Variants in EXOC4 observed in about 807,000 individuals in gnomAD.
EXOC4 encodes SEC8-like 1.
Under a neutral mutation model 107.2 loss-of-function variants are expected in EXOC4, and 71 were observed. The observed-to-expected ratio is 0.66, with a 90% CI of 0.55 to 0.81. The LOEUF is 0.81. EXOC4 is among the 30% of genes least tolerant of loss of function. The probability of loss-of-function intolerance (pLI) is 0.00; values close to 1 mark genes in which losing one functional copy is unlikely to be tolerated. For synonymous variants in EXOC4, 456 were observed against 441.2 expected (o/e 1.03, Z -0.42); for missense variants, 1,108 against 1,189.6 (o/e 0.93, Z 1.01).
chr7:133,269,208 C>G (rs756824387), intron 1 of EXOC4, among the ~76,000 whole-genome samples: 3 of 152,212 alleles, frequency 2.0e-5, no homozygotes, highest in Non-Finnish European at 2.9e-5. Context: ...CCCTAACTGT[C>G]TGCTGTTCTC....
In EXOC4 at chr7:133,695,461, A is replaced by AT. The variant is rs543728269; in HGVS notation, c.1514+65328dup. Among the ~76,000 whole-genome samples, 53 of 151,900 alleles carry AT rather than the reference A, an allele frequency of 3.5e-4. No homozygotes were observed. In the East Asian group the frequency reaches 7.0e-3, roughly 20 times the overall value. The stretch of plus-strand genomic sequence containing the variant: ...ACATATAGGTATCTTTGATATATTG[A>AT]TTTTTTTTATTATATGTCTAGCATT... On this transcript the variant is annotated intron_variant, in intron 10 of 17. Coordinates refer to ENST00000253861, the MANE Select transcript of EXOC4 (RefSeq NM_021807.4).
chr7:133,739,687 A>C (rs1239636683), intron 10 of EXOC4, among the ~76,000 whole-genome samples: 1 of 152,206 alleles, frequency 6.6e-6, no homozygotes, highest in Non-Finnish European at 1.5e-5. Context: ...TGCTCTAGCA[A>C]AAATGTCTCT....
At chr7:134,008,866 C>A (rs1479324314) in intron 17 of EXOC4, among the ~76,000 whole-genome samples, 1 of 152,022 alleles carries the variant, frequency 6.6e-6, no homozygotes, top group Non-Finnish European at 1.5e-5. Flanking sequence ...CCTGGCCTCA[C>A]GCAATCCTCC....
intron 10 of EXOC4, among the ~76,000 whole-genome samples, chr7:133,657,074 T>C (rs1315891240): frequency 1.3e-5 from 2 of 152,182 alleles, no homozygotes; most frequent in Non-Finnish European, 2.9e-5. Flanking sequence ...GCATTTCCTC[T>C]AGGAATTGAG....
rs531423895 is a variant in EXOC4 at position 134,030,696 on chromosome 7, C to G, written c.2687+22861C>G. ...CCCCTCTGCCCCCCCAGCTCACCCC[C>G]CCGCCCCGAGTAGAGAGCAGTCCTG... On this transcript the variant is annotated intron_variant, in intron 17 of 17. Coordinates refer to ENST00000253861, the MANE Select transcript of EXOC4 (RefSeq NM_021807.4). Among the ~76,000 whole-genome samples, 11 of 141,634 alleles carry G rather than the reference C, an allele frequency of 7.8e-5. No individual in the cohort carries two copies. In the South Asian group the frequency reaches 2.8e-3, roughly 37 times the overall value. 92.9% of individuals were successfully genotyped at this position (141,634 alleles called of 152,430 possible). A position where few individuals can be genotyped will look rare whatever the true frequency, so the allele number is the denominator to read the frequency against.
At chr7:133,716,049 C>A (rs556102849) in intron 10 of EXOC4, among the ~76,000 whole-genome samples, 44 of 152,304 alleles carry the variant, frequency 2.9e-4, no homozygotes, top group African/African-American at 7.0e-4. Flanking sequence ...TTGAGAAATT[C>A]TTTTCCTGCT....
At chr7:133,658,639 G>A (rs1004777493) in intron 10 of EXOC4, among the ~76,000 whole-genome samples, 1 of 152,182 alleles carries the variant, frequency 6.6e-6, no homozygotes, top group African/African-American at 2.4e-5. Context: ...GATTTATTAT[G>A]ATAGTGAAGT....
chr7:133,990,897 C>T (rs1287022545), intron 14 of EXOC4, among the ~76,000 whole-genome samples: 1 of 152,126 alleles, frequency 6.6e-6, no homozygotes, highest in Non-Finnish European at 1.5e-5. Context: ...CATGGGAGTG[C>T]AGATGTCTCT....
intron 10 of EXOC4, among the ~76,000 whole-genome samples, chr7:133,762,581 A>G (rs1796055018): frequency 6.6e-6 from 1 of 152,144 alleles, no homozygotes; most frequent in Non-Finnish European, 1.5e-5. Flanking sequence ...GCATATAAAT[A>G]TTTTTGCACA....
At chr7:133,907,780 AGT>A (rs1363176120) in intron 12 of EXOC4, among the ~76,000 whole-genome samples, 2 of 151,110 alleles carry the variant, frequency 1.3e-5, no homozygotes, top group Admixed American at 6.6e-5. Flanking sequence ...CAGAGGTTGC[AGT>A]GAGGACTCGG....
rs748246109 is a variant in EXOC4 at position 134,064,342 on chromosome 7, G to A, written c.2739G>A (p.Val913=). ...YNTADELLNL[V]VDQGVKYTEL... The stretch of plus-strand genomic sequence containing the variant: ...CAGCTGACGAGCTCCTGAACCTGGT[G>A]GTGGACCAGGGTGTGAAGTACACGG... The change falls in exon 18 of 18, where the codon GTG becomes GTA. Residue 913 remains valine (V), a synonymous_variant. Transcript: ENST00000253861. The A allele has an allele frequency of 1.4e-5, 22 of 1,517,262 alleles. No homozygotes were observed. In the South Asian group the frequency reaches 2.5e-4, roughly 17 times the overall value. The allele number at this position is 1,517,262 out of a possible 1,614,324, so 94.0% of individuals were successfully genotyped here.
chr7:133,544,428 A>C (rs565122770), intron 9 of EXOC4, among the ~76,000 whole-genome samples: 2 of 152,094 alleles, frequency 1.3e-5, no homozygotes, highest in Non-Finnish European at 2.9e-5. Context: ...CTTAGTAGGA[A>C]ACTGATTTAC....
rs1800704368 is a variant in EXOC4, at chr7:133,557,033, A to G, written c.1418-73012A>G. Among the ~76,000 whole-genome samples the G allele has an allele frequency of 3.3e-5, 5 of 152,258 alleles. No homozygotes were observed. The South Asian group carries it at 1.0e-3, about 32-fold the overall frequency. On this transcript the variant is annotated intron_variant, in intron 9 of 17. Transcript: ENST00000253861. The stretch of plus-strand genomic sequence containing the variant: ...AGATAGAGGGTGGACCACCTTTAGA[A>G]ATTCTAAGTGCCTCTCACCTCAGCA...
chr7:133,439,035 T>C (rs1798040523), intron 7 of EXOC4, among the ~76,000 whole-genome samples: 1 of 152,158 alleles, frequency 6.6e-6, no homozygotes, highest in Non-Finnish European at 1.5e-5. Flanking sequence ...TATGTATGTA[T>C]ATGTATGTGT....
At chr7:133,348,033 G>A (rs1215636896) in intron 5 of EXOC4, among the ~76,000 whole-genome samples, 2 of 152,182 alleles carry the variant, frequency 1.3e-5, no homozygotes, top group African/African-American at 4.8e-5. Context: ...TTGGAGTTCA[G>A]TAGTTTGGAA....
intron 9 of EXOC4, among the ~76,000 whole-genome samples, chr7:133,520,835 G>T (rs1242420045): frequency 1.3e-5 from 2 of 151,898 alleles, no homozygotes; most frequent in African/African-American, 4.8e-5. Context: ...CAACAGCTCA[G>T]TAAAAGAGTG....
chr7:133,652,518 T>C (rs991618195), intron 10 of EXOC4, among the ~76,000 whole-genome samples: 1 of 151,886 alleles, frequency 6.6e-6, no homozygotes, highest in Non-Finnish European at 1.5e-5. Flanking sequence ...GAGTGGAGTT[T>C]CCCCCTTGCC....
At chr7:133,330,807 A>G (rs1161004) in intron 5 of EXOC4, among the ~76,000 whole-genome samples, 98,717 of 151,808 alleles carry the variant, frequency 0.65, 34,766 homozygotes, top group East Asian at 0.84. Context: ...TCCCAGTGAG[A>G]TGAACCGGGT....
At chr7:133,404,906 A>ACACACACACACG (rs1797182712) in intron 7 of EXOC4, among the ~76,000 whole-genome samples, 1 of 4,156 alleles carries the variant, frequency 2.4e-4, no homozygotes, top group Non-Finnish European at 4.4e-4. Flanking sequence ...ACACACACGC[A>ACACACACACACG]CACACACACA....
Sources: allele counts gnomAD v4.1 joint callset (sites outside exome capture counted in the v4.1 genomes callset), GRCh38; gene constraint gnomAD v4.1.1; transcripts MANE v1.5; gene names NCBI Gene and HGNC (gene_info 2026-07-23, HGNC 2026-07-21).